The following TTC13 variants were observed in gnomAD, a reference collection of about 807,000 sequenced individuals.
TTC13 encodes the protein tetratricopeptide repeat domain 13, also known as tetratricopeptide repeat protein 13.
A neutral mutation model predicts 120.0 loss-of-function variants in TTC13; 62 were observed. That is an observed-to-expected ratio of 0.52 (90% CI 0.42 to 0.64). TTC13 has a LOEUF of 0.64. Ranked by LOEUF, TTC13 falls within the 30% of genes least tolerant of loss-of-function variation. TTC13 has a pLI of 0.00. For synonymous variants in TTC13, 384 were observed against 393.5 expected (o/e 0.98, Z 0.28); for missense variants, 824 against 1,050.2 (o/e 0.78, Z 2.98).
intron 4 of TTC13, among the ~76,000 whole-genome samples, chr1:230,949,840 G>C (rs182455032): frequency 1.3e-5 from 2 of 151,988 alleles, no homozygotes; most frequent in East Asian, 1.9e-4. Context: ...TAGTAGAGAC[G>C]GGGTTTCACC....
At chr1:230,922,476 T>C (rs1412166141) in intron 15 of TTC13, among the ~76,000 whole-genome samples, 1 of 152,216 alleles carries the variant, frequency 6.6e-6, no homozygotes, top group Non-Finnish European at 1.5e-5. Context: ...AATCCCTGAA[T>C]GGCTCACCAT....
chr1:230,931,263 T>C (rs1313075545), intron 11 of TTC13, 35 bp downstream of exon 11: 5 of 1,602,880 alleles, frequency 3.1e-6, no homozygotes, highest in Admixed American at 3.4e-5. Flanking sequence ...GCTTTGAGCA[T>C]GAAAATCCAA....
intron 4 of TTC13, among the ~76,000 whole-genome samples, chr1:230,950,331 G>A (rs1185973010): frequency 6.6e-6 from 1 of 151,850 alleles, no homozygotes; most frequent in East Asian, 1.9e-4. Context: ...AAATGAAAAT[G>A]AATACTTCAA....
chr1:230,976,069 T>C (rs1678274536), intron 1 of TTC13, among the ~76,000 whole-genome samples: 1 of 152,190 alleles, frequency 6.6e-6, no homozygotes, highest in Non-Finnish European at 1.5e-5. Flanking sequence ...CTGAAAGCTG[T>C]GGGAAAGATT....
intron 7 of TTC13, 28 bp from the exon 8 acceptor site, chr1:230,939,524 T>C (rs1483485679): frequency 1.4e-6 from 2 of 1,437,608 alleles, no homozygotes; most frequent in South Asian, 1.2e-5. Context: ...GGGGGAAAAA[T>C]AAAATAGTAT....
chr1:230,971,522 T>C (rs1254301587), intron 1 of TTC13, among the ~76,000 whole-genome samples: 1 of 152,156 alleles, frequency 6.6e-6, no homozygotes, highest in Non-Finnish European at 1.5e-5. Context: ...GTACCTGAGA[T>C]GTATTATCGT....
chr1:230,916,209 T>C lies in TTC13; in HGVS notation c.2077A>G (p.Thr693Ala). Reference protein sequence around the residue: ...QGKEYDGFTITITGDKVGNIL... With the variant: ...QGKEYDGFTIAITGDKVGNIL... ...CGCACATACTTGTCTCCTGTAATCG[T>C]GATTGTGAATCCATCATATTCCTTC... Residue 693 changes from threonine (T) to alanine (A), a missense_variant, in exon 18 of 23, where the codon ACG (threonine) becomes GCG (alanine). Thr to Ala is a moderately conservative substitution (Grantham distance 58). This residue lies in a region of TTC13 where 226 missense variants were observed against 259.1 expected (regional missense o/e 0.87). Transcript: ENST00000366661. 1.9e-6 allele frequency: 3 copies of C among 1,613,702 alleles called. No individual in the cohort carries two copies. Among genetic ancestry groups the C allele is most frequent in the Non-Finnish European group, 2.5e-6 (3 of 1,179,572 alleles).
Position 230,959,218 on chromosome 1 carries a change from C to T in TTC13, c.367-919G>A, listed in dbSNP as rs957399903. Among the ~76,000 whole-genome samples the T allele has an allele frequency of 8.5e-5, 13 of 152,134 alleles. No individual in the cohort carries two copies. In the East Asian group the frequency reaches 2.3e-3, roughly 27 times the overall value. On this transcript the variant is annotated intron_variant, in intron 2 of 22. Transcript: ENST00000366661. ...TGAGGAGAGTCTACCATTTGCCAAGCCTTTCTGCAAAAAGATATAGGGACG... is the reference window on the plus strand; with the variant it reads ...TGAGGAGAGTCTACCATTTGCCAAGTCTTTCTGCAAAAAGATATAGGGACG...
At chr1:230,911,706 C>A (rs922582288) in intron 19 of TTC13, among the ~76,000 whole-genome samples, 157 bp from the exon 20 acceptor site, 1 of 152,166 alleles carries the variant, frequency 6.6e-6, no homozygotes, top group South Asian at 2.1e-4. Context: ...ATATTCTATA[C>A]CCTTTTGTAT....
rs150695665 is a variant in TTC13 at position 230,951,991 on chromosome 1, T to A, written c.513+2342A>T. 1.6e-3 allele frequency among the ~76,000 whole-genome samples: 247 copies of A among 152,330 alleles called. 4 individuals carry two copies. In the East Asian group the frequency reaches 0.033, roughly 20 times the overall value. ...AAAACTCAAACAGAGACTGCGTGCA[T>A]CAATTTCAAACATAAACTCTAATAT... On this transcript the variant is annotated intron_variant, in intron 4 of 22. Transcript: ENST00000366661.
At chr1:230,970,324 A>C (rs1049005752) in intron 1 of TTC13, among the ~76,000 whole-genome samples, 1 of 152,244 alleles carries the variant, frequency 6.6e-6, no homozygotes, top group Non-Finnish European at 1.5e-5. Context: ...GAGGCAGTCC[A>C]TATGAACATC....
At chr1:230,931,938 G>T in intron 9 of TTC13, 61 bp from the exon 10 acceptor site, 1 of 1,529,324 alleles carries the variant, frequency 6.5e-7, no homozygotes, top group Non-Finnish European at 9.0e-7. Context: ...TACAGAATAA[G>T]CTATCCTCAG....
intron 8 of TTC13, among the ~76,000 whole-genome samples, chr1:230,937,702 T>C (rs925640626): frequency 3.3e-5 from 5 of 152,256 alleles, no homozygotes; most frequent in Admixed American, 1.3e-4. Context: ...AGTTTTCTTT[T>C]AGAATCTGTA....
At chr1:230,924,757 G>T in intron 14 of TTC13, 84 bp downstream of exon 14, 2 of 1,523,996 alleles carry the variant, frequency 1.3e-6, no homozygotes, top group Non-Finnish European at 1.8e-6. Context: ...GCAAAACAGG[G>T]TTCATAGCCT....
rs1176923594 is a variant in TTC13 at position 230,978,705 on chromosome 1, G to A, written c.126C>T (p.Gly42=). The A allele has an allele frequency of 1.3e-6, 2 of 1,490,540 alleles. No individual in the cohort carries two copies. Among genetic ancestry groups the A allele is most frequent in the East Asian group, 2.8e-5 (1 of 35,456 alleles). 92.3% of individuals were successfully genotyped at this position (1,490,540 alleles called of 1,614,324 possible). ...GCGAGTAGTGCTCGGTGGCCAGGGC[G>A]CCTGGCCGCAGCCCGGCGGACAGGA... is the stretch of plus-strand genomic sequence containing the variant. The part of the protein sequence containing the change: ...LGVLSAGLRP[G]ALATEHYSPL... Residue 42 remains glycine, a synonymous_variant, in exon 1 of 23, where the codon GGC becomes GGT. Coordinates refer to ENST00000366661, the MANE Select transcript of TTC13 (RefSeq NM_024525.5). This position sits in a 1 kb window ranked among gnomAD's most constrained non-coding sequence, Gnocchi z 5.6.
chr1:230,968,301 G>GATGTGAA (rs66735389), intron 1 of TTC13, among the ~76,000 whole-genome samples: 2 of 14,398 alleles, frequency 1.4e-4, no homozygotes, highest in Non-Finnish European at 2.5e-4. Flanking sequence ...TATGCACACT[G>GATGTGAA]ACCTCCAGAA....
At chr1:230,936,082 C>T in intron 8 of TTC13, 1 of 430,556 alleles carries the variant, frequency 2.3e-6, no homozygotes, top group Non-Finnish European at 4.7e-6. Flanking sequence ...ATAACGAGCC[C>T]ATCGGGGCGT....
chr1:230,959,053 T>C (rs1220615629), intron 2 of TTC13, among the ~76,000 whole-genome samples: 1 of 152,182 alleles, frequency 6.6e-6, no homozygotes, highest in African/African-American at 2.4e-5. Flanking sequence ...TCACAACATA[T>C]ATGTATATAA....
intron 8 of TTC13, 35 bp from the exon 9 acceptor site, chr1:230,933,896 A>G: frequency 7.6e-7 from 1 of 1,314,464 alleles, no homozygotes; most frequent in East Asian, 2.3e-5. Context: ...TTTCATTTGC[A>G]TAATTGTTAA....
Sources: allele counts gnomAD v4.1 joint callset (sites outside exome capture counted in the v4.1 genomes callset), GRCh38; gene constraint gnomAD v4.1.1; regional missense constraint gnomAD v4.1.1; non-coding constraint Gnocchi (gnomAD v3.1); transcripts MANE v1.5; gene names NCBI Gene and HGNC (gene_info 2026-07-23, HGNC 2026-07-21).